Variants in ZCWPW1 observed in about 807,000 individuals in gnomAD.
ZCWPW1 encodes zinc finger CW-type and PWWP domain containing 1.
ZCWPW1 carries 56 observed loss-of-function variants against 81.3 expected under a neutral mutation model. The ratio of observed to expected loss-of-function variants is 0.69; its 90% CI spans 0.56 to 0.86. The LOEUF (loss-of-function observed/expected upper bound fraction) is 0.86. Ranked by LOEUF, ZCWPW1 falls within the 40% of genes least tolerant of loss-of-function variation. The pLI, the probability that ZCWPW1 is intolerant of heterozygous loss-of-function variation, is 0.00. For synonymous variants in ZCWPW1, 250 were observed against 273.7 expected (o/e 0.91, Z 0.86); for missense variants, 650 against 769.8 (o/e 0.84, Z 1.84).
At chr7:100,411,410 G>T (rs1794134665) in intron 8 of ZCWPW1, among the ~76,000 whole-genome samples, 1 of 151,984 alleles carries the variant, frequency 6.6e-6, no homozygotes. Context: ...GAGACTACAG[G>T]CATGCACCAC....
intron 15 of ZCWPW1, 78 bp downstream of exon 15, chr7:100,403,616 G>A (rs1792380862): frequency 7.5e-7 from 1 of 1,335,628 alleles, no homozygotes; most frequent in South Asian, 1.3e-5. Flanking sequence ...CTAAGTCCAG[G>A]AGTTTGAGAC....
At chr7:100,405,865 T>G (rs1416663162) in intron 12 of ZCWPW1, among the ~76,000 whole-genome samples, 1 of 152,174 alleles carries the variant, frequency 6.6e-6, no homozygotes, top group South Asian at 2.1e-4. Context: ...GCTCAGGCGA[T>G]CTGCCCACCT....
chr7:100,406,914 T>C (rs1793128194), intron 11 of ZCWPW1, 116 bp from the exon 12 acceptor site: 5 of 903,764 alleles, frequency 5.5e-6, no homozygotes, highest in Non-Finnish European at 8.5e-6. Context: ...GGGCCTCACA[T>C]ACTCCTTTCA....
intron 16 of ZCWPW1, 34 bp from the exon 17 acceptor site, chr7:100,402,075 A>AAACGAC: frequency 6.3e-7 from 1 of 1,579,646 alleles, no homozygotes; most frequent in Non-Finnish European, 8.6e-7. Flanking sequence ...ATTTCTCTCT[A>AAACGAC]AACGACAACT....
intron 11 of ZCWPW1, 28 bp from the exon 12 acceptor site, chr7:100,406,826 A>C (rs1253106953): frequency 1.3e-6 from 2 of 1,588,824 alleles, no homozygotes; most frequent in South Asian, 2.2e-5. Flanking sequence ...CCTGTTACGG[A>C]CTCCTGTCCT....
intron 4 of ZCWPW1, 55 bp from the exon 5 acceptor site, chr7:100,419,244 T>C: frequency 6.6e-7 from 1 of 1,507,574 alleles, no homozygotes; most frequent in Non-Finnish European, 9.1e-7. Flanking sequence ...AGTTTTCCCC[T>C]CTGAACAGTC....
chr7:100,406,862 G>A (rs868705657), intron 11 of ZCWPW1, 64 bp from the exon 12 acceptor site: 2 of 1,439,490 alleles, frequency 1.4e-6, no homozygotes, highest in Middle Eastern at 1.8e-4. Context: ...CCTCTAGCCA[G>A]AACAGATCGG....
At chr7:100,411,523 C>T (rs1034738531) in intron 8 of ZCWPW1, among the ~76,000 whole-genome samples, 3 of 152,152 alleles carry the variant, frequency 2.0e-5, no homozygotes, top group Admixed American at 1.3e-4. Context: ...CCCTCCTCAG[C>T]CTGCCAAAGT....
chr7:100,417,094 A>C lies in ZCWPW1; in HGVS notation c.451T>G (p.Ser151Ala), dbSNP rs1795407143. The change falls in exon 6 of 18, where the codon TCT becomes GCT. Residue 151 changes from serine (S) to alanine (A), a missense_variant. Transcript: ENST00000684423. ...TTAGCATTATCAGTATCAGTAGCAG[A>C]AGCAGTAATTCCTGGCTCCTTGTCT... ...QSDKEPGITA[S>A]ATDTDNANGE... 2 of 1,614,124 alleles carry C rather than the reference A, an allele frequency of 1.2e-6. No homozygotes were observed. The highest frequency in any genetic ancestry group is 1.7e-6 in the Non-Finnish European group (2 of 1,179,994).
At chr7:100,419,064 C>G in intron 5 of ZCWPW1, 47 bp downstream of exon 5, 1 of 1,494,988 alleles carries the variant, frequency 6.7e-7, no homozygotes, top group Non-Finnish European at 9.3e-7. Context: ...TCTCAGGTAA[C>G]AGTCACTGCT....
At chr7:100,402,636 TAG>T in intron 15 of ZCWPW1, 60 bp from the exon 16 acceptor site, 1 of 1,520,194 alleles carries the variant, frequency 6.6e-7, no homozygotes, top group Non-Finnish European at 9.1e-7. Flanking sequence ...CTGTTTTTAA[TAG>T]AGAAGGATGC....
intron 2 of ZCWPW1, among the ~76,000 whole-genome samples, chr7:100,422,820 A>C (rs1796588948): frequency 6.6e-6 from 1 of 152,174 alleles, no homozygotes; most frequent in South Asian, 2.1e-4. Context: ...TTTATAAGTG[A>C]GAATATACAG....
Position 100,407,212 on chromosome 7 carries a change from G to T in ZCWPW1, c.1068+16C>A. 6.2e-7 allele frequency: 1 copy of T among 1,613,124 alleles called. No individual in the cohort carries two copies. The highest frequency in any genetic ancestry group is 1.1e-5 in the South Asian group (1 of 91,048). On this transcript the variant is annotated intron_variant, in intron 11 of 17. Transcript: ENST00000684423. ...TTTGGCCTGAGCTCCTTCTTACCCT[G>T]AACCAGGAAACTCACCGGCAGGGAA...
intron 3 of ZCWPW1, among the ~76,000 whole-genome samples, 158 bp from the exon 4 acceptor site, chr7:100,420,041 T>C (rs1379070025): frequency 6.6e-6 from 1 of 152,104 alleles, no homozygotes; most frequent in Non-Finnish European, 1.5e-5. Context: ...TCCTCAGCCC[T>C]GAGATGCTGA....
At chr7:100,424,376 G>A (rs1796932289) in intron 2 of ZCWPW1, among the ~76,000 whole-genome samples, 1 of 152,132 alleles carries the variant, frequency 6.6e-6, no homozygotes, top group Non-Finnish European at 1.5e-5. Context: ...GGGTAGATGA[G>A]AGTGAAAGGA....
chr7:100,427,854 C>T (rs1378348815), intron 1 of ZCWPW1, among the ~76,000 whole-genome samples: 1 of 151,958 alleles, frequency 6.6e-6, no homozygotes, highest in East Asian at 1.9e-4. Context: ...AAGTCGGTGT[C>T]CCTGAGCCAC....
Position 100,408,528 on chromosome 7 carries a change from T to C in ZCWPW1, c.992+11A>G. Reference sequence around the variant, plus strand: ...TGTGAAGGATGCTCTGACTGTGTCATAATGCCCTACCAGGGGTAACCGTAT... The same window carrying C: ...TGTGAAGGATGCTCTGACTGTGTCACAATGCCCTACCAGGGGTAACCGTAT... On this transcript the variant is annotated intron_variant, in intron 10 of 17. Transcript: ENST00000684423. The C allele has an allele frequency of 1.2e-6, 2 of 1,611,792 alleles. No individual in the cohort carries two copies. The highest frequency in any genetic ancestry group is 1.7e-6 in the Non-Finnish European group (2 of 1,179,052).
At chr7:100,412,714 T>C (rs1043561212) in intron 8 of ZCWPW1, among the ~76,000 whole-genome samples, 7 of 152,132 alleles carry the variant, frequency 4.6e-5, no homozygotes, top group Non-Finnish European at 8.8e-5. Context: ...CCCGAATAGC[T>C]GGGACTACAG....
At chr7:100,415,590 G>T (rs1795068715) in intron 8 of ZCWPW1, among the ~76,000 whole-genome samples, 1 of 152,098 alleles carries the variant, frequency 6.6e-6, no homozygotes, top group Non-Finnish European at 1.5e-5. Flanking sequence ...CATTCGACAT[G>T]GCTGAGCATC....
Sources: allele counts gnomAD v4.1 joint callset (sites outside exome capture counted in the v4.1 genomes callset), GRCh38; gene constraint gnomAD v4.1.1; transcripts MANE v1.5; gene names NCBI Gene and HGNC (gene_info 2026-07-23, HGNC 2026-07-21).